The following C3 variants were observed in gnomAD, a reference collection of about 807,000 sequenced individuals.
C3 encodes complement C3.
C3 carries 97 observed loss-of-function variants against 207.9 expected under a neutral mutation model. That is an observed-to-expected ratio of 0.47 (90% CI 0.40 to 0.55). The LOEUF is 0.55. Ranked by LOEUF, C3 falls within the 20% of genes least tolerant of loss-of-function variation. The probability of loss-of-function intolerance (pLI) is 0.00; values close to 1 mark genes in which losing one functional copy is unlikely to be tolerated. For missense variants in C3, 1,684 were observed against 2,171.7 expected (o/e 0.78, Z 4.46); for synonymous variants, 848 against 857.6 (o/e 0.99, Z 0.20).
At chr19:6,686,367 T>A in intron 28 of C3, 80 bp from the exon 29 acceptor site, 1 of 1,490,910 alleles carries the variant, frequency 6.7e-7, no homozygotes, top group Non-Finnish European at 9.3e-7. Flanking sequence ...CAGAAAGAGA[T>A]GCATGCTAGA....
At position 6,697,075 on chromosome 19, in the gene C3, A is replaced by ATT. The variant is rs1568217246; in HGVS notation, c.2796+268_2796+269insAA. 1.6e-3 allele frequency among the ~76,000 whole-genome samples: 149 copies of ATT among 90,586 alleles called. 12 individuals carry two copies. The highest frequency in any genetic ancestry group is 5.6e-3 in the African/African-American group (143 of 25,682). The allele number at this position is 90,586 out of a possible 152,430, so 59.4% of individuals were successfully genotyped here. On this transcript the variant is annotated intron_variant, in intron 21 of 40. Transcript: ENST00000245907. Reference sequence around the variant, plus strand: ...AAACAAACAAATAAATAAATAAATAAAAAATTTCAAATCGAGTATAAAAAA... The same window carrying ATT: ...AAACAAACAAATAAATAAATAAATAATTAAAATTTCAAATCGAGTATAAAAAA...
intron 13 of C3, 129 bp from the exon 14 acceptor site, chr19:6,709,971 G>A (rs1209287299): frequency 8.9e-6 from 6 of 677,652 alleles, no homozygotes; most frequent in Admixed American, 2.3e-5. Flanking sequence ...GGGAGGGGGA[G>A]AGAGAGGGAG....
intron 17 of C3, among the ~76,000 whole-genome samples, chr19:6,705,894 G>A (rs1967764453): frequency 6.7e-6 from 1 of 149,052 alleles, no homozygotes. Context: ...GACTAGTCTT[G>A]AACTCCTGAC....
chr19:6,689,988 TAAAC>T (rs887743634), intron 27 of C3, among the ~76,000 whole-genome samples: 29 of 151,916 alleles, frequency 1.9e-4, no homozygotes, highest in Admixed American at 4.6e-4. Context: ...TCACAAAAAA[TAAAC>T]AAACAAACAA....
Position 6,677,986 on chromosome 19 carries a change from G to A in C3, c.4888C>T (p.His1630Tyr). Residue 1630 changes from histidine (H) to tyrosine (Y), a missense_variant, in exon 41 of 41, where the codon CAC becomes TAC. Coordinates refer to ENST00000245907, the MANE Select transcript of C3 (RefSeq NM_000064.4). Reference sequence around the variant, plus strand: ...TGGCATTCGTCCTCCTCGGGCCAGTGCTCCACCCAAGTGTCCTTCCCGATG... The same window carrying A: ...TGGCATTCGTCCTCCTCGGGCCAGTACTCCACCCAAGTGTCCTTCCCGATG... ...YIIGKDTWVE[H>Y]WPEEDECQDE... is the part of the protein sequence containing the mutation. The A allele has an allele frequency of 1.2e-6, 2 of 1,614,166 alleles. No homozygotes were observed. The highest frequency in any genetic ancestry group is 1.7e-6 in the Non-Finnish European group (2 of 1,180,032).
chr19:6,694,375 G>T, intron 24 of C3, 56 bp downstream of exon 24: 2 of 1,498,708 alleles, frequency 1.3e-6, no homozygotes, highest in South Asian at 1.1e-5. Flanking sequence ...GATCTTAGGG[G>T]AGGGATGCGC....
At chr19:6,714,718 C>A (rs1967996378) in intron 4 of C3, among the ~76,000 whole-genome samples, 1 of 152,090 alleles carries the variant, frequency 6.6e-6, no homozygotes, top group Non-Finnish European at 1.5e-5. Flanking sequence ...AAAAATTAGC[C>A]AGGCATGGTG....
intron 37 of C3, 66 bp from the exon 38 acceptor site, chr19:6,679,274 G>T: frequency 6.6e-7 from 1 of 1,508,940 alleles, no homozygotes; most frequent in Non-Finnish European, 9.2e-7. Flanking sequence ...GCCCATGGGT[G>T]TGGCCAGCCC....
chr19:6,681,959 G>A lies in C3; in HGVS notation c.4332C>T (p.Leu1444=), dbSNP rs777880161. 4 of 1,613,738 alleles carry A rather than the reference G, an allele frequency of 2.5e-6. No homozygotes were observed. Among genetic ancestry groups the A allele is most frequent in the East Asian group, 2.2e-5 (1 of 44,892 alleles). Residue 1444 remains leucine, a synonymous_variant, in exon 35 of 41, where the codon CTC becomes CTT. Transcript: ENST00000245907. ...LDKAFSDRNT[L]IIYLDKVSHS... ...GCCTTACCTTGTCCAGGTAGATGATGAGGGTGTTCCTATCGGAGAAGGCTT... is the reference window on the plus strand; with the variant it reads ...GCCTTACCTTGTCCAGGTAGATGATAAGGGTGTTCCTATCGGAGAAGGCTT...
intron 19 of C3, 147 bp from the exon 20 acceptor site, chr19:6,697,941 T>G: frequency 1.5e-6 from 1 of 658,470 alleles, no homozygotes; most frequent in Non-Finnish European, 2.7e-6. Context: ...ACGCTGTCAA[T>G]GGCGACAAAT....
intron 23 of C3, among the ~76,000 whole-genome samples, chr19:6,695,941 G>A (rs1967522354): frequency 6.6e-6 from 1 of 152,048 alleles, no homozygotes; most frequent in Non-Finnish European, 1.5e-5. Context: ...CGGGCATAAT[G>A]GCTCATGCCT....
intron 19 of C3, among the ~76,000 whole-genome samples, chr19:6,701,241 C>A (rs1967666856): frequency 6.6e-6 from 1 of 152,192 alleles, no homozygotes; most frequent in Admixed American, 6.6e-5. Flanking sequence ...GCTCCGAAAA[C>A]ACCCTAGAGT....
At position 6,698,411 on chromosome 19, in the gene C3, T is replaced by C. The variant is rs980872919; in HGVS notation, c.2441-617A>G. Among the ~76,000 whole-genome samples, 3 of 151,918 alleles carry C rather than the reference T, an allele frequency of 2.0e-5. No homozygotes were observed. In the South Asian group the frequency reaches 6.2e-4, roughly 32 times the overall value. On this transcript the variant is annotated intron_variant, in intron 19 of 40. Coordinates refer to ENST00000245907, the MANE Select transcript of C3 (RefSeq NM_000064.4). Reference sequence around the variant, plus strand: ...GAAATCTCCAAAATATATCTGCTTGTCTGATATGGTAGCCCCAAGCTGTGG... The same window carrying C: ...GAAATCTCCAAAATATATCTGCTTGCCTGATATGGTAGCCCCAAGCTGTGG...
At chr19:6,678,539 T>A in intron 38 of C3, 84 bp from the exon 39 acceptor site, 1 of 1,077,684 alleles carries the variant, frequency 9.3e-7, no homozygotes, top group Non-Finnish European at 1.4e-6. Flanking sequence ...CCCGGGCATG[T>A]GGCTCTCTCT....
chr19:6,684,197 C>A, intron 33 of C3, 191 bp downstream of exon 33: 1 of 688,386 alleles, frequency 1.5e-6, no homozygotes, highest in Non-Finnish European at 2.7e-6. Flanking sequence ...CTTACGTGGT[C>A]ATTGCTGTGG....
chr19:6,685,189 G>GA (rs772674526), intron 29 of C3, 43 bp from the exon 30 acceptor site: 6 of 1,590,278 alleles, frequency 3.8e-6, no homozygotes, highest in Non-Finnish European at 5.2e-6. Context: ...GGGAGCCTGG[G>GA]AAAGTGGCTA....
At chr19:6,699,777 GATT>G (rs1293062666) in intron 19 of C3, among the ~76,000 whole-genome samples, 11 of 151,898 alleles carry the variant, frequency 7.2e-5, no homozygotes, top group African/African-American at 2.4e-4. Flanking sequence ...TATACTAGTA[GATT>G]ATTATCAAAT....
intron 37 of C3, 81 bp from the exon 38 acceptor site, chr19:6,679,289 A>AGC: frequency 3.4e-6 from 5 of 1,461,756 alleles, no homozygotes; most frequent in Non-Finnish European, 4.8e-6. Flanking sequence ...CAGCCCTGGG[A>AGC]GCCTACCCCC....
At position 6,718,525 on chromosome 19, in the gene C3, C is replaced by T. The variant is rs760135028; in HGVS notation, c.268-113G>A. ...TGCCTGCCCATTATTCTTGGTCTTC[C>T]GAGGTGGCCGTTTTGGGGAGGGAGG... is the stretch of plus-strand genomic sequence containing the variant. On this transcript the variant is annotated intron_variant, in intron 2 of 40. Transcript: ENST00000245907. 1.4e-4 allele frequency: 178 copies of T among 1,279,724 alleles called. 1 individual carries two copies. The highest frequency in any genetic ancestry group is 1.8e-4 in the Non-Finnish European group (162 of 891,406). The allele number at this position is 1,279,724 out of a possible 1,614,324, so 79.3% of individuals were successfully genotyped here.
Sources: allele counts gnomAD v4.1 joint callset (sites outside exome capture counted in the v4.1 genomes callset), GRCh38; gene constraint gnomAD v4.1.1; transcripts MANE v1.5; gene names NCBI Gene and HGNC (gene_info 2026-07-23, HGNC 2026-07-21).